Variants in ARMH3 observed in about 807,000 individuals in gnomAD.
ARMH3 encodes armadillo-like helical domain-containing protein 3.
ARMH3 carries 60 observed loss-of-function variants against 99.1 expected under a neutral mutation model. The ratio of observed to expected loss-of-function variants is 0.61; its 90% confidence interval spans 0.49 to 0.75. The LOEUF (loss-of-function observed/expected upper bound fraction) is 0.75, where lower values mean the gene tolerates loss of function less well. Ranked by LOEUF, ARMH3 falls within the 30% of genes least tolerant of loss-of-function variation. The pLI, the probability that ARMH3 is intolerant of heterozygous loss-of-function variation, is 0.00. For missense variants in ARMH3, 679 were observed against 843.1 expected, an observed-to-expected ratio of 0.81 and a Z score of 2.41; for synonymous variants, 285 against 292.8, an observed-to-expected ratio of 0.97 and a Z score of 0.27.
At chr10:101,992,621 G>C (rs1462234028) in intron 17 of ARMH3, among the ~76,000 whole-genome samples, 1 of 151,248 alleles carries the variant, frequency 6.6e-6, no homozygotes, top group East Asian at 2.0e-4. Context: ...TCAGCCTCTT[G>C]AGTAGCTGGG....
At chr10:101,928,832 G>C (rs1843611812) in intron 23 of ARMH3, among the ~76,000 whole-genome samples, 1 of 152,188 alleles carries the variant, frequency 6.6e-6, no homozygotes, top group Non-Finnish European at 1.5e-5. Flanking sequence ...CCGGATTCAA[G>C]CCATTCTCCT....
intron 1 of ARMH3, among the ~76,000 whole-genome samples, chr10:102,051,073 G>A (rs934434351): frequency 1.2e-4 from 18 of 150,834 alleles, no homozygotes; most frequent in African/African-American, 3.7e-4. Flanking sequence ...AGAATCACTT[G>A]AACCCGGGAG....
At chr10:101,957,217 A>G (rs1845081021) in intron 21 of ARMH3, among the ~76,000 whole-genome samples, 1 of 152,238 alleles carries the variant, frequency 6.6e-6, no homozygotes, top group Admixed American at 6.5e-5. Context: ...CTAAGAAGAT[A>G]GTCAAAATGC....
chr10:101,956,689 C>A lies in ARMH3; in HGVS notation c.1613G>T (p.Gly538Val), dbSNP rs766126657. The A allele has an allele frequency of 6.2e-7, 1 of 1,613,288 alleles. No homozygotes were observed. Among genetic ancestry groups the A allele is most frequent in the Admixed American group, 1.7e-5 (1 of 59,970 alleles). Residue 538 changes from glycine to valine, a missense_variant, in exon 22 of 26, where the codon GGC (glycine) becomes GTC (valine). Transcript: ENST00000370033. ...VNLFNMFITY[G>V]DTFLPTPSSY... Reference sequence around the variant, plus strand: ...GCTGGGGGTTGGCAGAAATGTGTCGCCATATGTGATAAACATATTAAATAG... The same window carrying A: ...GCTGGGGGTTGGCAGAAATGTGTCGACATATGTGATAAACATATTAAATAG...
chr10:101,920,576 AC>A (rs1843267650), intron 23 of ARMH3, among the ~76,000 whole-genome samples: 1 of 152,202 alleles, frequency 6.6e-6, no homozygotes, highest in African/African-American at 2.4e-5. Context: ...GAGATCAGAG[AC>A]TATGAGAATC....
chr10:101,956,586 A>T lies in ARMH3; in HGVS notation c.1705+11T>A. 1.9e-6 allele frequency: 3 copies of T among 1,611,444 alleles called. No homozygotes were observed. The highest frequency in any genetic ancestry group is 2.5e-6 in the Non-Finnish European group (3 of 1,178,190). On this transcript the variant is annotated intron_variant, in intron 22 of 25. Transcript: ENST00000370033. ...TGGTGGAGAGAGGAGTAAAAAGAAA[A>T]GGCAGCTTACCCATGGAGTAGAGGT...
chr10:102,013,753 G>A (rs959543677), intron 9 of ARMH3, among the ~76,000 whole-genome samples: 1 of 152,148 alleles, frequency 6.6e-6, no homozygotes, highest in Admixed American at 6.5e-5. Context: ...TGATTAGCAA[G>A]CAAATGTCCC....
At chr10:101,944,698 C>T (rs968161918) in intron 22 of ARMH3, among the ~76,000 whole-genome samples, 2 of 152,034 alleles carry the variant, frequency 1.3e-5, no homozygotes, top group Admixed American at 1.3e-4. Flanking sequence ...CCTGTAATCT[C>T]AGCTACTCGG....
At chr10:101,993,641 T>A in intron 16 of ARMH3, 38 bp from the exon 17 acceptor site, 1 of 1,385,930 alleles carries the variant, frequency 7.2e-7, no homozygotes, top group Non-Finnish European at 1.0e-6. Context: ...AAGCGAGAGC[T>A]ATATTTAAGA....
intron 19 of ARMH3, among the ~76,000 whole-genome samples, chr10:101,987,961 C>G (rs1368440776): frequency 6.6e-6 from 1 of 152,154 alleles, no homozygotes; most frequent in Non-Finnish European, 1.5e-5. Context: ...AAAAGCTGTG[C>G]CACGTTAATG....
intron 24 of ARMH3, among the ~76,000 whole-genome samples, chr10:101,854,878 G>A (rs1008927231): frequency 2.6e-5 from 4 of 151,002 alleles, no homozygotes; most frequent in African/African-American, 9.8e-5. Context: ...TACAATGCCT[G>A]GCACATAATC....
At chr10:101,914,117 C>T (rs936829795) in intron 23 of ARMH3, among the ~76,000 whole-genome samples, 3 of 152,050 alleles carry the variant, frequency 2.0e-5, no homozygotes, top group African/African-American at 7.2e-5. Context: ...CTTCATTTCC[C>T]GGCTGGATGA....
intron 24 of ARMH3, among the ~76,000 whole-genome samples, chr10:101,865,294 CATAG>C (rs1342095188): frequency 6.6e-6 from 1 of 151,302 alleles, no homozygotes; most frequent in African/African-American, 2.4e-5. Context: ...GTAAGATATA[CATAG>C]AGAGTATTTT....
chr10:102,009,304 G>A (rs2066577576), intron 13 of ARMH3, 70 bp downstream of exon 13: 1 of 1,401,462 alleles, frequency 7.1e-7, no homozygotes, highest in African/African-American at 1.4e-5. Flanking sequence ...AGCCAGATAG[G>A]CTTTTCAATG....
intron 24 of ARMH3, among the ~76,000 whole-genome samples, chr10:101,874,678 G>A (rs963452174): frequency 1.2e-4 from 18 of 152,156 alleles, no homozygotes; most frequent in Non-Finnish European, 7.3e-5. Context: ...GACACCTAAC[G>A]AGGGTTCTGC....
intron 24 of ARMH3, among the ~76,000 whole-genome samples, chr10:101,884,397 G>A (rs1185348620): frequency 6.6e-6 from 1 of 152,112 alleles, no homozygotes; most frequent in African/African-American, 2.4e-5. Context: ...CCACACTGGA[G>A]AGAGAAAGGA....
chr10:102,044,448 G>A (rs1042725683), intron 1 of ARMH3, among the ~76,000 whole-genome samples: 7 of 149,174 alleles, frequency 4.7e-5, no homozygotes, highest in African/African-American at 1.7e-4. Flanking sequence ...TCAGCTTACT[G>A]CAACCTCCAC....
At chr10:101,984,340 T>G (rs1846364222) in intron 19 of ARMH3, among the ~76,000 whole-genome samples, 1 of 152,228 alleles carries the variant, frequency 6.6e-6, no homozygotes, top group African/African-American at 2.4e-5. Context: ...TGAGCATGAT[T>G]TGCCTTAGCA....
intron 23 of ARMH3, among the ~76,000 whole-genome samples, chr10:101,892,465 A>C (rs1484300805): frequency 6.6e-6 from 1 of 152,184 alleles, no homozygotes; most frequent in Non-Finnish European, 1.5e-5. Context: ...TCTCAAAAAT[A>C]AAAAATAAAA....
Sources: gnomAD v4.1 joint callset for allele counts (sites outside exome capture counted in the v4.1 genomes callset) on GRCh38, gnomAD v4.1.1 for gene constraint, MANE v1.5 for transcripts, NCBI Gene and HGNC (gene_info 2026-07-23, HGNC 2026-07-21) for gene names.